Variants in CENPE observed in about 807,000 individuals in gnomAD.
CENPE encodes centromere-associated protein E.
Under a neutral mutation model 336.1 loss-of-function variants are expected in CENPE, and 145 were observed. The observed-to-expected ratio is 0.43, with a 90% CI of 0.38 to 0.50. The LOEUF is 0.50. CENPE is among the 20% of genes least tolerant of loss of function. The pLI is 0.00. For missense variants in CENPE, 2,719 were observed against 3,023.3 expected, an observed-to-expected ratio of 0.90 and a Z score of 2.36; for synonymous variants, 1,013 against 984.8, an observed-to-expected ratio of 1.03 and a Z score of -0.54.
intron 43 of CENPE, among the ~76,000 whole-genome samples, chr4:103,122,160 A>G (rs941914742): frequency 2.0e-5 from 3 of 152,194 alleles, no homozygotes; most frequent in Admixed American, 6.5e-5. Flanking sequence ...GTAATGCCCT[A>G]CAAATCAAAA....
At chr4:103,176,807 T>C (rs1578664263) in intron 14 of CENPE, 92 bp downstream of exon 14, 2 of 947,266 alleles carry the variant, frequency 2.1e-6, no homozygotes, top group South Asian at 3.8e-5. Context: ...TATTTAAACA[T>C]GTTTATCACA....
chr4:103,117,622 CTTTTT>C (rs771337112), intron 44 of CENPE, among the ~76,000 whole-genome samples: 4 of 115,050 alleles, frequency 3.5e-5, no homozygotes, highest in East Asian at 2.3e-4. Context: ...ATTTTCTTTC[CTTTTT>C]TTTTTTTTTT....
At chr4:103,183,793 GT>G (rs141665338) in intron 9 of CENPE, among the ~76,000 whole-genome samples, 9,870 of 151,922 alleles carry the variant, frequency 0.065, 1,048 homozygotes, top group African/African-American at 0.22. Flanking sequence ...ACTGTTATTA[GT>G]TTTTTTCTTT....
intron 8 of CENPE, among the ~76,000 whole-genome samples, chr4:103,189,675 A>C (rs531548637): frequency 2.0e-5 from 3 of 152,340 alleles, no homozygotes; most frequent in African/African-American, 7.2e-5. Context: ...ACAAACCCAC[A>C]GGCAATATCA....
chr4:103,165,186 T>C (rs1754799043), intron 16 of CENPE, among the ~76,000 whole-genome samples: 1 of 152,188 alleles, frequency 6.6e-6, no homozygotes. Flanking sequence ...AAACATATGA[T>C]CTGATCTACA....
At chr4:103,131,072 T>C (rs1473732570) in intron 42 of CENPE, among the ~76,000 whole-genome samples, 2 of 152,112 alleles carry the variant, frequency 1.3e-5, no homozygotes, top group Non-Finnish European at 2.9e-5. Context: ...GCATAATCTA[T>C]GAAAGAAATA....
In CENPE at chr4:103,160,681, T is replaced by C. The variant is rs1396805132; in HGVS notation, c.2230A>G (p.Ile744Val). 1 of 1,611,394 alleles carries C rather than the reference T, an allele frequency of 6.2e-7. No homozygotes were observed. The highest frequency in any genetic ancestry group is 1.3e-5 in the African/African-American group (1 of 74,948). Reference sequence around the variant, plus strand: ...AAAGATTTCAATTCTGAAAGCAAAATGACTTCTTCCCGCAAAGCTTCATTT... The same window carrying C: ...AAAGATTTCAATTCTGAAAGCAAAACGACTTCTTCCCGCAAAGCTTCATTT... ...EENEALREEV[I>V]LLSELKSLPS... The change falls in exon 21 of 49, where the codon ATT (isoleucine) becomes GTT (valine). Residue 744 changes from isoleucine to valine, a missense_variant. By Grantham distance (29) the Ile-to-Val change is conservative. Coordinates refer to ENST00000265148, the MANE Select transcript of CENPE (RefSeq NM_001813.3).
Position 103,191,792 on chromosome 4 carries a change from A to G in CENPE, c.693+2437T>C, listed in dbSNP as rs564547019. 8.5e-5 allele frequency among the ~76,000 whole-genome samples: 13 copies of G among 152,314 alleles called. No individual in the cohort carries two copies. In the South Asian group the frequency reaches 2.7e-3, roughly 32 times the overall value. On this transcript the variant is annotated intron_variant, in intron 8 of 48. Transcript: ENST00000265148. The stretch of plus-strand genomic sequence containing the variant: ...ACATGTACCCTAAAACTTAAAGTAT[A>G]ATAAAAAAATAAATAAAAATAAAAA...
intron 46 of CENPE, among the ~76,000 whole-genome samples, chr4:103,113,150 AAG>A (rs1645806568): frequency 6.7e-5 from 4 of 59,296 alleles, no homozygotes; most frequent in Non-Finnish European, 1.5e-4. Context: ...ATAAGTATAT[AAG>A]TGTATATATA....
Position 103,196,870 on chromosome 4 carries a change from G to T in CENPE, c.57-20C>A, listed in dbSNP as rs116520973. ...TCTTCTCTAAAAGAATAAAAACACC[G>T]CATTTTAACCAGTCATAAAAGTCAT... is the stretch of plus-strand genomic sequence containing the variant. On this transcript the variant is annotated intron_variant, in intron 1 of 48. Transcript: ENST00000265148. 3.3e-3 allele frequency: 3,922 copies of T among 1,201,076 alleles called. 43 individuals carry two copies. In the African/African-American group the frequency reaches 0.035, roughly 11 times the overall value. The allele number at this position is 1,201,076 out of a possible 1,614,324, so 74.4% of individuals were successfully genotyped here.
intron 47 of CENPE, among the ~76,000 whole-genome samples, chr4:103,110,377 A>T (rs1749290779): frequency 6.6e-6 from 1 of 152,100 alleles, no homozygotes; most frequent in Admixed American, 6.6e-5. Flanking sequence ...TTGTAAAATT[A>T]TTTAACGCTT....
At chr4:103,150,115 A>G (rs1243865224) in intron 26 of CENPE, among the ~76,000 whole-genome samples, 1 of 152,164 alleles carries the variant, frequency 6.6e-6, no homozygotes, top group Admixed American at 6.5e-5. Flanking sequence ...TGGAGAATTT[A>G]TTTTCACTTC....
At chr4:103,112,290 TAA>T (rs1368023536) in intron 46 of CENPE, among the ~76,000 whole-genome samples, 1 of 147,166 alleles carries the variant, frequency 6.8e-6, no homozygotes, top group Admixed American at 6.9e-5. Context: ...AAGCAAAACA[TAA>T]GATATTTGCT....
Position 103,140,880 on chromosome 4 carries a change from T to G in CENPE, c.5688A>C (p.Arg1896Ser). The G allele has an allele frequency of 1.2e-6, 2 of 1,612,260 alleles. No individual in the cohort carries two copies. The highest frequency in any genetic ancestry group is 1.7e-6 in the Non-Finnish European group (2 of 1,179,254). ...SVMKERDNLRRVEETLKLERD... is the reference protein window; with the variant it reads ...SVMKERDNLRSVEETLKLERD... Reference sequence around the variant, plus strand: ...TCTCCAGTTTGAGTGTCTCCTCTACTCTTCTTAGATTATCTCTTTCTTTCA... The same window carrying G: ...TCTCCAGTTTGAGTGTCTCCTCTACGCTTCTTAGATTATCTCTTTCTTTCA... The change falls in exon 36 of 49, where the codon AGA becomes AGC. Residue 1896 changes from arginine (R) to serine (S), a missense_variant. By Grantham distance (110) the Arg-to-Ser change is moderately radical (BLOSUM62 -1). Coordinates refer to ENST00000265148, the MANE Select transcript of CENPE (RefSeq NM_001813.3).
At chr4:103,164,077 C>T (rs572731050) in intron 16 of CENPE, among the ~76,000 whole-genome samples, 1 of 152,156 alleles carries the variant, frequency 6.6e-6, no homozygotes, top group East Asian at 1.9e-4. Context: ...AGTGCCTTTA[C>T]AATATTATTA....
chr4:103,140,879 CTCT>C lies in CENPE; in HGVS notation c.5686_5688del (p.Arg1896del), dbSNP rs777574672. 1.2e-6 allele frequency: 2 copies of C among 1,612,132 alleles called. No homozygotes were observed. The highest frequency in any genetic ancestry group is 1.7e-6 in the Non-Finnish European group (2 of 1,179,196). ...CTCTCCAGTTTGAGTGTCTCCTCTACTCTTCTTAGATTATCTCTTTCTTTCATT... is the reference window on the plus strand; with the variant it reads ...CTCTCCAGTTTGAGTGTCTCCTCTACTCTTAGATTATCTCTTTCTTTCATT... On this transcript the variant is annotated inframe_deletion, in exon 36 of 49. Coordinates refer to ENST00000265148, the MANE Select transcript of CENPE (RefSeq NM_001813.3).
chr4:103,109,878 T>C (rs1578524951), intron 47 of CENPE, among the ~76,000 whole-genome samples: 1 of 152,174 alleles, frequency 6.6e-6, no homozygotes, highest in Non-Finnish European at 1.5e-5. Flanking sequence ...AAATGAACTA[T>C]AAGGGCCCAT....
chr4:103,110,683 G>C (rs1347825578), intron 47 of CENPE, 145 bp downstream of exon 47: 7 of 498,998 alleles, frequency 1.4e-5, no homozygotes, highest in Non-Finnish European at 2.1e-5. Context: ...TTTTAAAAAA[G>C]ATACTTATTA....
chr4:103,147,745 G>C lies in CENPE; in HGVS notation c.3844-99C>G, dbSNP rs558277959. On this transcript the variant is annotated intron_variant, in intron 28 of 48. Transcript: ENST00000265148. ...ATCTCACTCTGTTGCCCAGGTGGGAGTGCAGTGGCGCAATCTCAGTTCACT... is the reference window on the plus strand; with the variant it reads ...ATCTCACTCTGTTGCCCAGGTGGGACTGCAGTGGCGCAATCTCAGTTCACT... 3.0e-6 allele frequency: 3 copies of C among 998,928 alleles called. No homozygotes were observed. The South Asian group carries it at 5.0e-5, about 17-fold the overall frequency. The allele number at this position is 998,928 out of a possible 1,614,324, so 61.9% of individuals were successfully genotyped here.
Sources: gnomAD v4.1 joint callset for allele counts (sites outside exome capture counted in the v4.1 genomes callset) on GRCh38, gnomAD v4.1.1 for gene constraint, MANE v1.5 for transcripts, NCBI Gene and HGNC (gene_info 2026-07-23, HGNC 2026-07-21) for gene names.